PRH1: variants seen among roughly 807,000 people sequenced by gnomAD.
PRH1 encodes proline rich protein HaeIII subfamily 1.
A neutral mutation model predicts 7.9 loss-of-function variants in PRH1; 7 were observed. The ratio of observed to expected loss-of-function variants is 0.89; its 90% CI spans 0.50 to 1.67. The LOEUF (loss-of-function observed/expected upper bound fraction) is 1.67. PRH1 is among the 40% of genes most tolerant of loss of function. The pLI, the probability that PRH1 is intolerant of heterozygous loss-of-function variation, is 0.00. For synonymous variants in PRH1, 45 were observed against 80.8 expected, an observed-to-expected ratio of 0.56 and a Z score of 2.38; for missense variants, 109 against 223.6, an observed-to-expected ratio of 0.49 and a Z score of 3.27.
chr12:11,061,241 T>C, intron 1 of PRH1: 1 of 1,403,030 alleles, frequency 7.1e-7, no homozygotes, highest in Non-Finnish European at 9.6e-7. Context: ...AAAAGACTTT[T>C]CTAGGTACAT....
rs572187584 is a variant in PRH1 at position 11,165,213 on chromosome 12, T to C, written n.39+6209A>G. ...CTCAACCAAAGAGGCTTTGCCACTT[T>C]GCATCTCCACCAGTAATGTATGAGG... On this transcript the variant is annotated intron_variant and non_coding_transcript_variant, in intron 1 of 1. Transcript: ENST00000541175. Among the ~76,000 whole-genome samples, 6 of 152,324 alleles carry C rather than the reference T, an allele frequency of 3.9e-5. No individual in the cohort carries two copies. The East Asian group carries it at 1.2e-3, about 29-fold the overall frequency.
intron 2 of PRH1, among the ~76,000 whole-genome samples, chr12:10,959,819 A>T (rs1027830912): frequency 1.3e-5 from 2 of 152,192 alleles, no homozygotes; most frequent in African/African-American, 4.8e-5. Context: ...AGACTGCATG[A>T]GATCACCAAC....
chr12:10,946,615 G>T (rs1324980498), intron 2 of PRH1, among the ~76,000 whole-genome samples: 3 of 151,942 alleles, frequency 2.0e-5, no homozygotes, highest in Non-Finnish European at 4.4e-5. Flanking sequence ...CTTTTGAATG[G>T]TTTTTTGTGT....
At chr12:10,993,568 G>T (rs1438100116) in intron 1 of PRH1, among the ~76,000 whole-genome samples, 1 of 152,120 alleles carries the variant, frequency 6.6e-6, no homozygotes, top group Non-Finnish European at 1.5e-5. Flanking sequence ...AAAGTAAACA[G>T]CATGTTGCTC....
intron 1 of PRH1, chr12:11,030,459 C>T: frequency 6.2e-7 from 1 of 1,614,268 alleles, no homozygotes; most frequent in Non-Finnish European, 8.5e-7. Context: ...TGCCGCAAAA[C>T]TGAAAGAAAA....
chr12:11,144,660 C>T (rs1264720355), intron 1 of PRH1, among the ~76,000 whole-genome samples: 2 of 152,228 alleles, frequency 1.3e-5, no homozygotes, highest in Non-Finnish European at 2.9e-5. Flanking sequence ...GAGATTTCTT[C>T]TGCCTGGGGG....
chr12:11,056,738 A>C (rs1258229232), intron 1 of PRH1, among the ~76,000 whole-genome samples: 2 of 152,138 alleles, frequency 1.3e-5, no homozygotes, highest in Non-Finnish European at 2.9e-5. Flanking sequence ...GAATCATTTG[A>C]ACCCAGGAGG....
chr12:11,058,262 A>T (rs1035532132), intron 1 of PRH1, among the ~76,000 whole-genome samples: 1 of 152,162 alleles, frequency 6.6e-6, no homozygotes, highest in East Asian at 1.9e-4. Flanking sequence ...TTATTTGGTA[A>T]AATAAACAGG....
At chr12:10,903,524 AC>A (rs1372714929) in intron 2 of PRH1, among the ~76,000 whole-genome samples, 1 of 152,028 alleles carries the variant, frequency 6.6e-6, no homozygotes, top group Admixed American at 6.6e-5. Flanking sequence ...GAAGGAACAT[AC>A]CTCAAAATAA....
At chr12:10,976,714 T>C (rs1481825811) in intron 1 of PRH1, among the ~76,000 whole-genome samples, 1 of 151,284 alleles carries the variant, frequency 6.6e-6, no homozygotes, top group South Asian at 2.1e-4. Context: ...ATGAACACTT[T>C]CAGAAATGAC....
At chr12:11,022,188 A>C in intron 1 of PRH1, 1 of 1,614,120 alleles carries the variant, frequency 6.2e-7, no homozygotes, top group Non-Finnish European at 8.5e-7. Flanking sequence ...TCACCAGAAC[A>C]ACACTCTTAA....
chr12:11,086,735 G>T (rs1944715997), intron 1 of PRH1, among the ~76,000 whole-genome samples: 1 of 115,850 alleles, frequency 8.6e-6, no homozygotes, highest in Admixed American at 8.7e-5. Context: ...CCAACACGGT[G>T]AAACCCTGTC....
chr12:10,907,348 T>C (rs1246812550), intron 2 of PRH1, among the ~76,000 whole-genome samples: 1 of 152,142 alleles, frequency 6.6e-6, no homozygotes, highest in Admixed American at 6.6e-5. Context: ...CATTTGAATG[T>C]TCATTAACAG....
intron 1 of PRH1, among the ~76,000 whole-genome samples, chr12:11,098,610 T>G (rs1440103252): frequency 6.6e-6 from 1 of 152,238 alleles, no homozygotes; most frequent in East Asian, 1.9e-4. Flanking sequence ...ATATAGCAAA[T>G]GTCTAAAGTC....
At chr12:11,059,958 A>T in intron 1 of PRH1, among the ~76,000 whole-genome samples, 1 of 152,036 alleles carries the variant, frequency 6.6e-6, no homozygotes, top group Admixed American at 6.6e-5. Context: ...AAGAGATGAG[A>T]TCATCTTGCT....
intron 1 of PRH1, among the ~76,000 whole-genome samples, chr12:11,027,334 T>C (rs1264371989): frequency 6.6e-6 from 1 of 150,856 alleles, no homozygotes; most frequent in Non-Finnish European, 1.5e-5. Context: ...GTTTCTTAAC[T>C]ATAGTAAAAT....
chr12:11,013,547 T>C (rs1215854813), intron 1 of PRH1, among the ~76,000 whole-genome samples: 2 of 152,148 alleles, frequency 1.3e-5, no homozygotes, highest in African/African-American at 4.8e-5. Context: ...TACAAGTGGG[T>C]TAATCAACCA....
chr12:11,116,486 T>C (rs564558714), downstream of PRH1, among the ~76,000 whole-genome samples: 6 of 152,200 alleles, frequency 3.9e-5, no homozygotes, highest in Admixed American at 1.3e-4. Context: ...AGCTGAATTC[T>C]ACCAAACATT....
chr12:11,094,584 A>C (rs145994947), intron 1 of PRH1, among the ~76,000 whole-genome samples: 2,887 of 115,116 alleles, frequency 0.025, 837 homozygotes, highest in South Asian at 0.039. Flanking sequence ...CATCATCTCA[A>C]ATTTTCTTAT....
Sources: allele counts gnomAD v4.1 joint callset (sites outside exome capture counted in the v4.1 genomes callset), GRCh38; gene constraint gnomAD v4.1.1; transcripts MANE v1.5; gene names NCBI Gene and HGNC (gene_info 2026-07-23, HGNC 2026-07-21).